The following CLEC12A variants were observed in gnomAD, a reference collection of about 807,000 sequenced individuals.
CLEC12A encodes the protein C-type lectin domain family 12 member A.
Under a neutral mutation model 26.5 loss-of-function variants are expected in CLEC12A, and 22 were observed. The ratio of observed to expected loss-of-function variants is 0.83; its 90% CI spans 0.59 to 1.19. The LOEUF is 1.19. CLEC12A is among the 50% of genes most tolerant of loss of function. The pLI is 0.00. For missense variants in CLEC12A, 353 were observed against 315.6 expected, an observed-to-expected ratio of 1.12 and a Z score of -0.90; for synonymous variants, 119 against 101.9, an observed-to-expected ratio of 1.17 and a Z score of -1.01.
downstream of CLEC12A, chr12:9,996,856 C>G: frequency 2.5e-6 from 4 of 1,614,006 alleles, no homozygotes; most frequent in Non-Finnish European, 3.4e-6. Flanking sequence ...CACAATGTTC[C>G]GGTTGTCAAT....
At chr12:10,003,733 C>G in the CLEC12A span, among the ~76,000 whole-genome samples, 1 of 151,912 alleles carries the variant, frequency 6.6e-6, no homozygotes, top group Non-Finnish European at 1.5e-5. Context: ...GAGCAACATG[C>G]TGAAACCCTT....
chr12:9,961,847 TTCTAATCCCTTTGC>T lies in CLEC12A; in HGVS notation c.11-9729_11-9716del, dbSNP rs1470253493. Among the ~76,000 whole-genome samples the T allele has an allele frequency of 2.0e-5, 3 of 152,354 alleles. No homozygotes were observed. The South Asian group carries it at 6.2e-4, about 32-fold the overall frequency. ...ATTTCAATAAATCTACTCTTCACCA[TTCTAATCCCTTTGC>T]AGTGCCCTAGGATGGTGACTGACTC... is the stretch of plus-strand genomic sequence containing the variant. On this transcript the variant is annotated intron_variant, in intron 1 of 6. Transcript: ENST00000355690.
intron 1 of CLEC12A, among the ~76,000 whole-genome samples, chr12:9,957,053 T>C (rs1439263675): frequency 2.6e-5 from 4 of 152,142 alleles, no homozygotes; most frequent in African/African-American, 9.7e-5. Flanking sequence ...CTGAGGTAGG[T>C]CTCAATTAAT....
chr12:10,005,802 A>C, the CLEC12A span, among the ~76,000 whole-genome samples: 1 of 151,890 alleles, frequency 6.6e-6, no homozygotes, highest in East Asian at 1.9e-4. Flanking sequence ...TTCTGCTTTT[A>C]GTTTATTTTT....
chr12:9,996,129 C>A (rs1218035765), downstream of CLEC12A, among the ~76,000 whole-genome samples: 1 of 152,136 alleles, frequency 6.6e-6, no homozygotes, highest in Admixed American at 6.6e-5. Context: ...AAATGGCATT[C>A]CACAGGAGAT....
chr12:9,969,315 C>T (rs1037260288), upstream of CLEC12A, among the ~76,000 whole-genome samples: 3 of 152,254 alleles, frequency 2.0e-5, no homozygotes, highest in African/African-American at 7.2e-5. Flanking sequence ...CTGATTTGGT[C>T]ATTACACATT....
chr12:9,998,380 A>G (rs1865103256), downstream of CLEC12A: 1 of 1,609,860 alleles, frequency 6.2e-7, no homozygotes, highest in Admixed American at 1.7e-5. Context: ...TGCAGAGCCA[A>G]CTGTAGGCAT....
chr12:9,961,185 A>G (rs1171524644), intron 1 of CLEC12A, among the ~76,000 whole-genome samples: 8 of 152,230 alleles, frequency 5.3e-5, no homozygotes, highest in Non-Finnish European at 1.0e-4. Flanking sequence ...CCAAGGTTTT[A>G]TCATGCAAAT....
upstream of CLEC12A, among the ~76,000 whole-genome samples, chr12:9,968,263 C>T (rs1430178825): frequency 2.0e-5 from 3 of 152,130 alleles, no homozygotes; most frequent in Non-Finnish European, 2.9e-5. Context: ...AGTCACAGCA[C>T]CAAATTTCAC....
upstream of CLEC12A, among the ~76,000 whole-genome samples, chr12:9,968,442 G>T (rs1864018869): frequency 6.6e-6 from 1 of 152,052 alleles, no homozygotes; most frequent in Non-Finnish European, 1.5e-5. Flanking sequence ...TCAAAGGGGG[G>T]TTGTTCTCTG....
intron 1 of CLEC12A, among the ~76,000 whole-genome samples, chr12:9,955,540 C>G (rs776057431): frequency 3.3e-5 from 5 of 152,138 alleles, no homozygotes; most frequent in African/African-American, 9.7e-5. Context: ...CATAAATGCT[C>G]TAAGTGAACT....
chr12:9,999,277 A>G (rs984373897), downstream of CLEC12A: 6 of 494,220 alleles, frequency 1.2e-5, no homozygotes, highest in African/African-American at 1.2e-4. Flanking sequence ...AAGCTTCTTC[A>G]TAGCTGCTCA....
chr12:9,998,312 CCA>C, downstream of CLEC12A: 1 of 1,614,120 alleles, frequency 6.2e-7, no homozygotes, highest in Non-Finnish European at 8.5e-7. Context: ...AGCCCGACAA[CCA>C]TCCCCACGCA....
intron 5 of CLEC12A, chr12:9,983,431 T>A: frequency 1.5e-6 from 1 of 658,556 alleles, no homozygotes; most frequent in Non-Finnish European, 2.7e-6. Flanking sequence ...GATTTATACG[T>A]TGTATTTGTT....
chr12:9,993,290 G>A lies in CLEC12A; in HGVS notation n.1005-1728G>A, dbSNP rs1324529934. 7 of 1,599,824 alleles carry A rather than the reference G, an allele frequency of 4.4e-6. No individual in the cohort carries two copies. Among genetic ancestry groups the A allele is most frequent in the African/African-American group, 1.3e-5 (1 of 74,310 alleles). ...TTCCATCTTCCAAAAACTCAAACCT[G>A]TGAAGGGAAAGTTAGAATAAATTCC... On this transcript the variant is annotated intron_variant and non_coding_transcript_variant, in intron 4 of 4. Coordinates refer to the CLEC12A transcript ENST00000449959.
chr12:9,979,736 A>G (rs61913543), intron 3 of CLEC12A, among the ~76,000 whole-genome samples: 9,652 of 152,304 alleles, frequency 0.063, 410 homozygotes, highest in Non-Finnish European at 0.093. Context: ...CCCCCAAATT[A>G]TCAGGAGATA....
At chr12:9,993,756 A>T (rs1462819989) in intron 4 of CLEC12A, among the ~76,000 whole-genome samples, 2 of 152,170 alleles carry the variant, frequency 1.3e-5, no homozygotes, top group Non-Finnish European at 1.5e-5. Flanking sequence ...ATGTTGCAAG[A>T]TAAATCATCT....
the CLEC12A span, among the ~76,000 whole-genome samples, chr12:10,001,970 C>T: frequency 6.6e-6 from 1 of 150,920 alleles, no homozygotes; most frequent in East Asian, 2.0e-4. Flanking sequence ...AGCTCCGCCT[C>T]CTGGGTTCAC....
chr12:9,996,873 G>A, downstream of CLEC12A: 2 of 1,614,008 alleles, frequency 1.2e-6, no homozygotes, highest in South Asian at 2.2e-5. Flanking sequence ...CAATCTTCAG[G>A]AGAGTAGCAT....
Sources: allele counts gnomAD v4.1 joint callset (sites outside exome capture counted in the v4.1 genomes callset), GRCh38; gene constraint gnomAD v4.1.1; transcripts MANE v1.5; gene names NCBI Gene and HGNC (gene_info 2026-07-23, HGNC 2026-07-21).